Variants in HGSNAT observed in about 807,000 individuals in gnomAD.
The protein encoded by HGSNAT is transmembrane protein 76.
In HGSNAT, 59 loss-of-function variants were observed where a neutral mutation model predicts 85.2. The ratio of observed to expected loss-of-function variants is 0.69; its 90% CI spans 0.56 to 0.86. The LOEUF (loss-of-function observed/expected upper bound fraction) is 0.86. HGSNAT is among the 40% of genes least tolerant of loss of function. The pLI, the probability that HGSNAT is intolerant of heterozygous loss-of-function variation, is 0.00. For missense variants in HGSNAT, 756 were observed against 777.1 expected, an observed-to-expected ratio of 0.97 and a Z score of 0.32; for synonymous variants, 321 against 304.5, an observed-to-expected ratio of 1.05 and a Z score of -0.56.
chr8:43,167,389 G>A (rs1168464847), intron 5 of HGSNAT, among the ~76,000 whole-genome samples: 3 of 152,080 alleles, frequency 2.0e-5, no homozygotes, highest in South Asian at 2.1e-4. Flanking sequence ...CTCAACCTAC[G>A]GCAGCCACCA....
chr8:43,150,866 T>TAAATAAATAAAA (rs1345243473), intron 2 of HGSNAT, among the ~76,000 whole-genome samples: 3 of 137,370 alleles, frequency 2.2e-5, no homozygotes, highest in African/African-American at 7.9e-5. Flanking sequence ...AATAAATAAA[T>TAAATAAATAAAA]AAAATAAAAT....
intron 14 of HGSNAT, chr8:43,194,554 T>A (rs1804645483): frequency 1.0e-6 from 1 of 975,276 alleles, no homozygotes. Flanking sequence ...GGGTAATTCA[T>A]AAAGAACAGT....
intron 1 of HGSNAT, 64 bp downstream of exon 1, chr8:43,140,678 C>T: frequency 2.5e-6 from 2 of 809,220 alleles, no homozygotes; most frequent in Non-Finnish European, 1.6e-6. Flanking sequence ...CTCCGCGGCG[C>T]CGCCCCTATC....
chr8:43,192,666 C>T (rs182977513), intron 13 of HGSNAT, among the ~76,000 whole-genome samples: 1 of 151,942 alleles, frequency 6.6e-6, no homozygotes, highest in East Asian at 1.9e-4. Context: ...CTCACACCTG[C>T]ATTCCCAGCT....
chr8:43,192,346 T>C lies in HGSNAT; in HGVS notation c.1293T>C (p.Tyr431=), dbSNP rs1417591844. ...GPGGIGDFGK[Y]PNCTGGAAGY... is the part of the protein sequence containing the mutation. ...GGGGCATTGGAGATTTTGGCAAGTA[T>C]CCAAATTGCACTGGAGGAGCTGCAG... Residue 431 remains tyrosine (Y), a synonymous_variant, in exon 13 of 18, where the codon TAT becomes TAC. Coordinates refer to ENST00000379644, the MANE Select transcript of HGSNAT (RefSeq NM_152419.3). The C allele has an allele frequency of 6.2e-7, 1 of 1,611,538 alleles. No homozygotes were observed. Among genetic ancestry groups the C allele is most frequent in the South Asian group, 1.1e-5 (1 of 90,472 alleles).
intron 1 of HGSNAT, among the ~76,000 whole-genome samples, chr8:43,141,463 T>G (rs1802541167): frequency 6.6e-6 from 1 of 151,966 alleles, no homozygotes. Flanking sequence ...CAAATACAGA[T>G]TCCAGGTCTC....
chr8:43,170,515 C>A (rs1586725041), intron 6 of HGSNAT, 70 bp from the exon 7 acceptor site: 4 of 1,261,326 alleles, frequency 3.2e-6, no homozygotes, highest in East Asian at 5.1e-5. Context: ...ACAAAGAAAT[C>A]AAAAAATGAC....
chr8:43,144,704 GATTATT>G (rs369577040), intron 1 of HGSNAT, among the ~76,000 whole-genome samples: 10 of 151,946 alleles, frequency 6.6e-5, no homozygotes, highest in Middle Eastern at 3.4e-3. Flanking sequence ...AGCTATAGTG[GATTATT>G]ATTATTATTA....
chr8:43,168,145 TC>T (rs1803492868), intron 5 of HGSNAT: 2 of 158,156 alleles, frequency 1.3e-5, no homozygotes, highest in African/African-American at 4.8e-5. Flanking sequence ...GGTCTTGATC[TC>T]CTAACCTCGT....
At chr8:43,146,773 A>G (rs1472798562) in intron 1 of HGSNAT, among the ~76,000 whole-genome samples, 175 bp from the exon 2 acceptor site, 1 of 151,418 alleles carries the variant, frequency 6.6e-6, no homozygotes, top group Non-Finnish European at 1.5e-5. Flanking sequence ...GCATGCATGC[A>G]CGCACATATA....
At chr8:43,175,812 CT>C (rs1410372691) in intron 9 of HGSNAT, among the ~76,000 whole-genome samples, 2 of 152,016 alleles carry the variant, frequency 1.3e-5, no homozygotes, top group African/African-American at 2.4e-5. Flanking sequence ...GGTAATCTGC[CT>C]GCCTTGGCCT....
At chr8:43,178,805 T>A (rs1235397421) in intron 10 of HGSNAT, among the ~76,000 whole-genome samples, 1 of 146,454 alleles carries the variant, frequency 6.8e-6, no homozygotes, top group Admixed American at 6.8e-5. Context: ...TAGGGAGTGG[T>A]GATGACTCTT....
chr8:43,174,997 A>AATATGTGAAGTTTGTCTTC (rs1554532564), intron 9 of HGSNAT, among the ~76,000 whole-genome samples: 1 of 151,958 alleles, frequency 6.6e-6, no homozygotes, highest in Non-Finnish European at 1.5e-5. Flanking sequence ...AAATAATTGG[A>AATATGTGAAGTTTGTCTTC]ACATGGCTTA....
intron 2 of HGSNAT, among the ~76,000 whole-genome samples, chr8:43,152,067 T>G (rs1328159387): frequency 6.6e-6 from 1 of 152,158 alleles, no homozygotes; most frequent in Non-Finnish European, 1.5e-5. Flanking sequence ...GGTGGGCAGA[T>G]CACTTGAAGG....
rs570621320 is a variant in HGSNAT at position 43,192,537 on chromosome 8, C to A, written c.1377+107C>A. ...AACCATGCCCATTTAAGAAAACACA[C>A]TGAGAACTGATGATTATTTGAAAAG... is the stretch of plus-strand genomic sequence containing the variant. On this transcript the variant is annotated intron_variant, in intron 13 of 17. Transcript: ENST00000379644. 7.5e-6 allele frequency: 9 copies of A among 1,197,326 alleles called. No homozygotes were observed. In the African/African-American group the frequency reaches 9.1e-5, roughly 12 times the overall value. 74.2% of individuals were successfully genotyped at this position (1,197,326 alleles called of 1,614,324 possible). A position where few individuals can be genotyped will look rare whatever the true frequency, so the allele number is the denominator to read the frequency against.
chr8:43,171,520 A>G (rs1803625180), intron 7 of HGSNAT, among the ~76,000 whole-genome samples: 1 of 152,202 alleles, frequency 6.6e-6, no homozygotes, highest in African/African-American at 2.4e-5. Flanking sequence ...TGAGTGAAGT[A>G]ACTTGCCCAA....
intron 1 of HGSNAT, among the ~76,000 whole-genome samples, chr8:43,144,238 T>C (rs908893443): frequency 1.3e-5 from 2 of 151,744 alleles, no homozygotes; most frequent in South Asian, 2.1e-4. Flanking sequence ...GGTGGGAGGA[T>C]TGCTTGAACT....
At chr8:43,194,069 AT>A in intron 14 of HGSNAT, 1 of 1,317,606 alleles carries the variant, frequency 7.6e-7, no homozygotes, top group East Asian at 3.0e-5. Context: ...ATTCTTACTT[AT>A]ATGGCTTATC....
intron 7 of HGSNAT, among the ~76,000 whole-genome samples, chr8:43,170,991 C>T (rs1046879592): frequency 6.6e-6 from 1 of 152,104 alleles, no homozygotes; most frequent in African/African-American, 2.4e-5. Context: ...TTACTTGGGG[C>T]TGCAGACTGT....
Sources: gnomAD v4.1 joint callset for allele counts (sites outside exome capture counted in the v4.1 genomes callset) on GRCh38, gnomAD v4.1.1 for gene constraint, MANE v1.5 for transcripts, NCBI Gene and HGNC (gene_info 2026-07-23, HGNC 2026-07-21) for gene names.